The following EPHA6 variants were observed in gnomAD, a reference collection of about 807,000 sequenced individuals.
EPHA6 encodes EPH receptor A6, also known as ephrin type-A receptor 6.
EPHA6 carries 50 observed loss-of-function variants against 112.0 expected under a neutral mutation model. That is an observed-to-expected ratio of 0.45 (90% confidence interval 0.36 to 0.56). The LOEUF is 0.56. Ranked by LOEUF, EPHA6 falls within the 20% of genes least tolerant of loss-of-function variation. EPHA6 has a pLI of 0.00. For synonymous variants in EPHA6, 529 were observed against 490.7 expected (o/e 1.08, Z -1.03); for missense variants, 1,280 against 1,417.4 (o/e 0.90, Z 1.56).
intron 2 of EPHA6, among the ~76,000 whole-genome samples, chr3:96,958,278 G>A (rs1020502238): frequency 1.3e-5 from 2 of 148,628 alleles, no homozygotes; most frequent in Middle Eastern, 3.5e-3. Context: ...TGACAAAAGC[G>A]AAACTCTGTC....
intron 13 of EPHA6, among the ~76,000 whole-genome samples, chr3:97,621,106 C>A (rs558345418): frequency 6.6e-6 from 1 of 151,958 alleles, no homozygotes; most frequent in Non-Finnish European, 1.5e-5. Flanking sequence ...AGATCACATC[C>A]TTTGCAGGCA....
intron 1 of EPHA6, among the ~76,000 whole-genome samples, chr3:96,821,284 G>GT (rs2033233838): frequency 6.6e-6 from 1 of 151,780 alleles, no homozygotes; most frequent in South Asian, 2.1e-4. Flanking sequence ...CTTACACACT[G>GT]TTTTTTAGAA....
chr3:97,172,178 T>A (rs776618909), intron 3 of EPHA6, among the ~76,000 whole-genome samples: 2 of 152,046 alleles, frequency 1.3e-5, no homozygotes, highest in Non-Finnish European at 2.9e-5. Context: ...TAAAAGAGTG[T>A]ATAGTGACCT....
At chr3:96,825,124 A>G (rs1191240538) in intron 1 of EPHA6, among the ~76,000 whole-genome samples, 1 of 152,012 alleles carries the variant, frequency 6.6e-6, no homozygotes, top group Non-Finnish European at 1.5e-5. Context: ...TGACTACTCC[A>G]GAGACCTCCA....
intron 14 of EPHA6, among the ~76,000 whole-genome samples, chr3:97,702,663 C>T (rs1007787180): frequency 7.2e-5 from 11 of 152,076 alleles, no homozygotes; most frequent in African/African-American, 2.7e-4. Flanking sequence ...ATCACTATTT[C>T]TCTTATTATC....
At chr3:97,744,707 A>G (rs901208754) in intron 16 of EPHA6, among the ~76,000 whole-genome samples, 2 of 151,984 alleles carry the variant, frequency 1.3e-5, no homozygotes, top group East Asian at 3.9e-4. Context: ...CTTTTATACT[A>G]AGGACATAAA....
chr3:97,740,755 C>T (rs1037876185), intron 16 of EPHA6, among the ~76,000 whole-genome samples: 8 of 152,156 alleles, frequency 5.3e-5, no homozygotes, highest in African/African-American at 1.9e-4. Context: ...CTTCTGAATA[C>T]AATAACTTCC....
chr3:97,412,723 C>A (rs551474790), intron 6 of EPHA6, among the ~76,000 whole-genome samples: 1 of 151,996 alleles, frequency 6.6e-6, no homozygotes, highest in South Asian at 2.1e-4. Context: ...ATCTGGAAAT[C>A]TACATATACT....
intron 12 of EPHA6, among the ~76,000 whole-genome samples, chr3:97,594,642 C>T (rs954905203): frequency 2.6e-5 from 4 of 152,000 alleles, no homozygotes; most frequent in African/African-American, 9.7e-5. Flanking sequence ...GCTTATTTCC[C>T]AAGATTTTTT....
Position 97,149,202 on chromosome 3 carries a change from G to A in EPHA6, c.1115-77062G>A, listed in dbSNP as rs554511471. ...GGTTACAGTGCTAAGAAGAAGTAAT[G>A]AGAACATATTTTCATGCAGATACCT... On this transcript the variant is annotated intron_variant, in intron 3 of 17. Coordinates refer to ENST00000389672, the MANE Select transcript of EPHA6 (RefSeq NM_001080448.3). Among the ~76,000 whole-genome samples the A allele has an allele frequency of 1.2e-4, 18 of 152,200 alleles. 1 individual carries two copies. Among genetic ancestry groups the A allele is most frequent in the Admixed American group, 9.2e-4 (14 of 15,244 alleles).
At chr3:97,273,079 C>T (rs1273117942) in intron 5 of EPHA6, among the ~76,000 whole-genome samples, 2 of 151,910 alleles carry the variant, frequency 1.3e-5, no homozygotes, top group African/African-American at 2.4e-5. Context: ...TTAGAAGAAA[C>T]GTTTGTCATT....
chr3:96,982,755 A>G (rs1359185514), intron 2 of EPHA6, among the ~76,000 whole-genome samples: 1 of 152,176 alleles, frequency 6.6e-6, no homozygotes, highest in East Asian at 1.9e-4. Context: ...GAATGCATAT[A>G]TATTTAAGAC....
intron 11 of EPHA6, among the ~76,000 whole-genome samples, chr3:97,541,879 G>GATAT (rs138848847): frequency 6.7e-6 from 1 of 150,162 alleles, no homozygotes; most frequent in East Asian, 1.9e-4. Flanking sequence ...GAACTAATAG[G>GATAT]ATATATATAT....
chr3:97,113,093 C>T (rs1357485751), intron 3 of EPHA6, among the ~76,000 whole-genome samples: 1 of 152,160 alleles, frequency 6.6e-6, no homozygotes, highest in East Asian at 1.9e-4. Flanking sequence ...TCAACTGCTT[C>T]AGCTGCCCTC....
At chr3:97,736,464 AGAGAGAGT>A (rs781460522) in intron 16 of EPHA6, among the ~76,000 whole-genome samples, 4,365 of 142,922 alleles carry the variant, frequency 0.031, 115 homozygotes, top group African/African-American at 0.082. Context: ...AGAGAGAGAG[AGAGAGAGT>A]GTGTGTGTGT....
At chr3:97,027,686 A>T (rs983825231) in intron 3 of EPHA6, among the ~76,000 whole-genome samples, 1 of 152,104 alleles carries the variant, frequency 6.6e-6, no homozygotes, top group Admixed American at 6.6e-5. Context: ...CCAAACTCAA[A>T]CTTTTAATGC....
At chr3:97,569,117 T>A (rs186754551) in intron 11 of EPHA6, among the ~76,000 whole-genome samples, 2 of 152,306 alleles carry the variant, frequency 1.3e-5, no homozygotes, top group Non-Finnish European at 2.9e-5. Flanking sequence ...AGAAAGGGCT[T>A]GGGAGCCTAC....
At chr3:97,485,310 A>G (rs936574699) in intron 10 of EPHA6, among the ~76,000 whole-genome samples, 2 of 152,188 alleles carry the variant, frequency 1.3e-5, no homozygotes, top group East Asian at 3.9e-4. Context: ...CTTGTTAAAA[A>G]TTTATTAGTT....
intron 6 of EPHA6, among the ~76,000 whole-genome samples, chr3:97,406,390 A>G (rs150308834): frequency 2.2e-3 from 328 of 152,208 alleles, no homozygotes; most frequent in Middle Eastern, 6.8e-3. Flanking sequence ...AGGGTGAGAG[A>G]GAAGCAAAAG....
Sources: allele counts gnomAD v4.1 joint callset (sites outside exome capture counted in the v4.1 genomes callset), GRCh38; gene constraint gnomAD v4.1.1; transcripts MANE v1.5; gene names NCBI Gene and HGNC (gene_info 2026-07-23, HGNC 2026-07-21).